JAM3: variants seen among roughly 807,000 people sequenced by gnomAD.
JAM3 encodes the protein junctional adhesion molecule C.
JAM3 carries 31 observed loss-of-function variants against 39.4 expected under a neutral mutation model. The observed-to-expected ratio is 0.79, with a 90% CI of 0.59 to 1.06. The LOEUF is 1.06. Ranked by LOEUF, JAM3 falls within the 50% of genes least tolerant of loss-of-function variation. The probability of loss-of-function intolerance (pLI) is 0.00; values close to 1 mark genes in which losing one functional copy is unlikely to be tolerated. For missense variants in JAM3, 455 were observed against 391.4 expected, an observed-to-expected ratio of 1.16 and a Z score of -1.37; for synonymous variants, 182 against 148.7, an observed-to-expected ratio of 1.22 and a Z score of -1.63.
chr11:134,086,115 T>C (rs1941742472), intron 1 of JAM3, among the ~76,000 whole-genome samples: 1 of 152,236 alleles, frequency 6.6e-6, no homozygotes, highest in South Asian at 2.1e-4. Context: ...ATTCCCACTT[T>C]ACAGAATCAT....
At chr11:134,134,287 G>A (rs1942820430) in intron 1 of JAM3, among the ~76,000 whole-genome samples, 1 of 147,338 alleles carries the variant, frequency 6.8e-6, no homozygotes, top group Admixed American at 7.0e-5. Flanking sequence ...AGAAACAGAA[G>A]ATGAGAACAA....
rs557376043 is a variant in JAM3, at chr11:134,077,319, C to T, written c.76+8160C>T. 4.2e-4 allele frequency among the ~76,000 whole-genome samples: 63 copies of T among 149,300 alleles called. 1 individual carries two copies. The South Asian group carries it at 0.013, about 30-fold the overall frequency. On this transcript the variant is annotated intron_variant, in intron 1 of 8. Transcript: ENST00000299106. ...CACTTTTTAATGGGATTATTTTTTTCTTAAGTTCCTTATAGATTCTGGATA... is the reference window on the plus strand; with the variant it reads ...CACTTTTTAATGGGATTATTTTTTTTTTAAGTTCCTTATAGATTCTGGATA...
intron 1 of JAM3, among the ~76,000 whole-genome samples, chr11:134,113,295 A>G (rs1942354167): frequency 6.6e-6 from 1 of 151,580 alleles, no homozygotes; most frequent in African/African-American, 2.4e-5. Flanking sequence ...TGCACCCATT[A>G]ACTCGTCATT....
intron 1 of JAM3, among the ~76,000 whole-genome samples, chr11:134,091,043 AT>A (rs1555113234): frequency 6.6e-6 from 1 of 152,124 alleles, no homozygotes; most frequent in Non-Finnish European, 1.5e-5. Flanking sequence ...TACAGGGTTC[AT>A]TCTTTTCATT....
At chr11:134,129,839 T>G (rs1182890234) in intron 1 of JAM3, among the ~76,000 whole-genome samples, 1 of 151,928 alleles carries the variant, frequency 6.6e-6, no homozygotes, top group African/African-American at 2.4e-5. Context: ...CCATCTCTAC[T>G]AAAATACAAA....
chr11:134,091,028 A>G (rs989521641), intron 1 of JAM3, among the ~76,000 whole-genome samples: 6 of 152,138 alleles, frequency 3.9e-5, no homozygotes, highest in African/African-American at 1.4e-4. Flanking sequence ...GCTGGCTAAG[A>G]TTCCTACAGG....
chr11:134,098,054 T>G (rs1359415380), intron 1 of JAM3, among the ~76,000 whole-genome samples: 1 of 152,154 alleles, frequency 6.6e-6, no homozygotes, highest in Non-Finnish European at 1.5e-5. Flanking sequence ...TTCTGCTTAG[T>G]TCCCCTAAAA....
At chr11:134,117,440 T>G (rs981875965) in intron 1 of JAM3, among the ~76,000 whole-genome samples, 1 of 152,132 alleles carries the variant, frequency 6.6e-6, no homozygotes, top group Non-Finnish European at 1.5e-5. Flanking sequence ...ATGTCTTCCC[T>G]TATTAGAGAG....
rs71038561 is a variant in JAM3 at position 134,111,133 on chromosome 11, C to CTTTTTT, written c.77-28695_77-28690dup. Among the ~76,000 whole-genome samples, 118 of 86,766 alleles carry CTTTTTT rather than the reference C, an allele frequency of 1.4e-3. 21 individuals are homozygous for CTTTTTT. Among genetic ancestry groups the CTTTTTT allele is most frequent in the African/African-American group, 5.7e-3 (104 of 18,134 alleles). The allele number at this position is 86,766 out of a possible 152,430, so 56.9% of individuals were successfully genotyped here. A position where few individuals can be genotyped will look rare whatever the true frequency, so the allele number is the denominator to read the frequency against. Reference sequence around the variant, plus strand: ...TGTACCATACCCAACACACATCCATCTTTTTTTTTTTTTTTTTTTTTTTTT... The same window carrying CTTTTTT: ...TGTACCATACCCAACACACATCCATCTTTTTTTTTTTTTTTTTTTTTTTTTTTTTTT... On this transcript the variant is annotated intron_variant, in intron 1 of 8. Transcript: ENST00000299106.
chr11:134,148,976 A>ACACACC, intron 8 of JAM3, among the ~76,000 whole-genome samples, 158 bp downstream of exon 8: 1 of 151,754 alleles, frequency 6.6e-6, no homozygotes, highest in Non-Finnish European at 1.5e-5. Context: ...ACACACACAC[A>ACACACC]CACACACACA....
At chr11:134,100,611 C>G (rs75201238) in intron 1 of JAM3, among the ~76,000 whole-genome samples, 2,498 of 152,268 alleles carry the variant, frequency 0.016, 28 homozygotes, top group Non-Finnish European at 0.026. Flanking sequence ...GAAATCTCAG[C>G]ACCTAGAAAG....
At chr11:134,120,951 G>A (rs1942519725) in intron 1 of JAM3, among the ~76,000 whole-genome samples, 1 of 152,224 alleles carries the variant, frequency 6.6e-6, no homozygotes, top group South Asian at 2.1e-4. Flanking sequence ...CTTCAGAATA[G>A]TACAGGAAAG....
At chr11:134,104,380 C>T (rs1412350001) in intron 1 of JAM3, among the ~76,000 whole-genome samples, 2 of 152,148 alleles carry the variant, frequency 1.3e-5, no homozygotes, top group Admixed American at 1.3e-4. Context: ...AAATTTATAG[C>T]ACTAAATGCC....
At chr11:134,136,836 G>A (rs1335297263) in intron 1 of JAM3, among the ~76,000 whole-genome samples, 3 of 152,172 alleles carry the variant, frequency 2.0e-5, no homozygotes, top group South Asian at 4.1e-4. Context: ...TAAAAAGGCC[G>A]GGCGCAGTGG....
intron 3 of JAM3, among the ~76,000 whole-genome samples, chr11:134,142,779 T>G (rs1306903206): frequency 6.6e-6 from 1 of 152,026 alleles, no homozygotes; most frequent in Non-Finnish European, 1.5e-5. Context: ...TCAGTCCTCC[T>G]CCCGCATCCC....
chr11:134,080,652 T>A (rs745474406), intron 1 of JAM3, among the ~76,000 whole-genome samples: 1 of 152,160 alleles, frequency 6.6e-6, no homozygotes, highest in Non-Finnish European at 1.5e-5. Context: ...ACTGTTTAAG[T>A]CTAATAAACC....
At chr11:134,097,943 T>G (rs1942012158) in intron 1 of JAM3, among the ~76,000 whole-genome samples, 1 of 152,090 alleles carries the variant, frequency 6.6e-6, no homozygotes, top group Admixed American at 6.6e-5. Context: ...CTTCAGTTCT[T>G]GAAAATTTAG....
At chr11:134,127,594 G>C (rs1942674843) in intron 1 of JAM3, among the ~76,000 whole-genome samples, 1 of 152,172 alleles carries the variant, frequency 6.6e-6, no homozygotes, top group Non-Finnish European at 1.5e-5. Context: ...CAGCTACTCT[G>C]GAGGCTCAGG....
At chr11:134,133,533 C>T (rs1232578275) in intron 1 of JAM3, among the ~76,000 whole-genome samples, 1 of 152,032 alleles carries the variant, frequency 6.6e-6, no homozygotes, top group Non-Finnish European at 1.5e-5. Flanking sequence ...GATGCTTTTT[C>T]TGCATTAGTT....
Sources: allele counts gnomAD v4.1 joint callset (sites outside exome capture counted in the v4.1 genomes callset), GRCh38; gene constraint gnomAD v4.1.1; transcripts MANE v1.5; gene names NCBI Gene and HGNC (gene_info 2026-07-23, HGNC 2026-07-21).